The following RNF38 variants were observed in gnomAD, a reference collection of about 807,000 sequenced individuals.
RNF38 encodes the protein ring finger protein 38.
In RNF38, 15 loss-of-function variants were observed where a neutral mutation model predicts 67.2. The observed-to-expected ratio is 0.22, with a 90% CI of 0.15 to 0.34. The LOEUF (loss-of-function observed/expected upper bound fraction) is 0.34, where lower values mean the gene tolerates loss of function less well. Ranked by LOEUF, RNF38 falls within the 10% of genes least tolerant of loss-of-function variation. The pLI, the probability that RNF38 is intolerant of heterozygous loss-of-function variation, is 1.00. For synonymous variants in RNF38, 220 were observed against 218.8 expected (o/e 1.01, Z -0.05); for missense variants, 524 against 639.9 (o/e 0.82, Z 1.95).
In RNF38 at chr9:36,346,375, G is replaced by T. The variant is rs998384945; in HGVS notation, c.1264-1422C>A. On this transcript the variant is annotated intron_variant, in intron 9 of 11. Coordinates refer to ENST00000259605, the MANE Select transcript of RNF38 (RefSeq NM_022781.5). ...TTTTTGTATTTTTTATTTTTTAGTA[G>T]AGACAGGGTTTTGCCACGTTGACCA... 1.8e-4 allele frequency among the ~76,000 whole-genome samples: 27 copies of T among 152,158 alleles called. 1 individual carries two copies. The highest frequency in any genetic ancestry group is 6.2e-4 in the South Asian group (3 of 4,820).
chr9:36,457,954 C>T (rs1427646100), intron 1 of RNF38, among the ~76,000 whole-genome samples: 1 of 152,160 alleles, frequency 6.6e-6, no homozygotes, highest in Non-Finnish European at 1.5e-5. Flanking sequence ...GAGAAGAGCC[C>T]TAGCTTTTAT....
At chr9:36,458,600 A>C (rs549597363) in intron 1 of RNF38, among the ~76,000 whole-genome samples, 66 of 151,938 alleles carry the variant, frequency 4.3e-4, no homozygotes, top group Non-Finnish European at 9.6e-4. Flanking sequence ...CTCACTGCGA[A>C]GATCTGCGGC....
intron 1 of RNF38, among the ~76,000 whole-genome samples, chr9:36,446,896 G>A (rs1203911970): frequency 2.0e-5 from 3 of 150,892 alleles, no homozygotes; most frequent in South Asian, 2.1e-4. Context: ...TGAGGTGGGC[G>A]GATCACTTGA....
At chr9:36,390,757 T>G (rs1371619900) in intron 1 of RNF38, 141 bp from the exon 2 acceptor site, 3 of 909,712 alleles carry the variant, frequency 3.3e-6, no homozygotes, top group Non-Finnish European at 3.3e-6. Context: ...AAATTAATTT[T>G]AAACATCAAA....
intron 3 of RNF38, chr9:36,372,419 T>C (rs10972875): frequency 0.01 from 6,317 of 610,714 alleles, 148 homozygotes; most frequent in South Asian, 0.058. Context: ...TTCACAGTTC[T>C]TTGTTTTATT....
At chr9:36,351,032 C>T in intron 9 of RNF38, 83 bp downstream of exon 9, 1 of 962,348 alleles carries the variant, frequency 1.0e-6, no homozygotes, top group Non-Finnish European at 1.6e-6. Flanking sequence ...AAAGATTGGA[C>T]ACCTGTGGTT....
At chr9:36,386,690 A>G (rs1382152338) in intron 2 of RNF38, among the ~76,000 whole-genome samples, 1 of 152,138 alleles carries the variant, frequency 6.6e-6, no homozygotes, top group African/African-American at 2.4e-5. Context: ...GCTAAAACCC[A>G]CTAAAACCAA....
chr9:36,433,312 G>A (rs1838977067), intron 1 of RNF38, among the ~76,000 whole-genome samples: 1 of 151,818 alleles, frequency 6.6e-6, no homozygotes, highest in Non-Finnish European at 1.5e-5. Flanking sequence ...AAATGCTTGA[G>A]GTGATGGATA....
chr9:36,407,511 C>CA (rs1838211100), intron 2 of RNF38, among the ~76,000 whole-genome samples: 1 of 152,178 alleles, frequency 6.6e-6, no homozygotes, highest in East Asian at 1.9e-4. Flanking sequence ...AGCAGAAAAA[C>CA]AGAGACCTAT....
At chr9:36,426,290 T>C (rs1838769860) in intron 1 of RNF38, among the ~76,000 whole-genome samples, 1 of 152,162 alleles carries the variant, frequency 6.6e-6, no homozygotes, top group African/African-American at 2.4e-5. Context: ...ATCACAATTT[T>C]AGGACATTTT....
chr9:36,440,357 C>T (rs1006404459), intron 1 of RNF38, among the ~76,000 whole-genome samples: 27 of 152,050 alleles, frequency 1.8e-4, no homozygotes, highest in African/African-American at 6.0e-4. Flanking sequence ...AATGTCAAAA[C>T]CCAGTCTCTA....
chr9:36,446,897 G>C (rs1249894431), intron 1 of RNF38, among the ~76,000 whole-genome samples: 1 of 150,394 alleles, frequency 6.6e-6, no homozygotes, highest in East Asian at 1.9e-4. Flanking sequence ...GAGGTGGGCG[G>C]ATCACTTGAG....
intron 2 of RNF38, among the ~76,000 whole-genome samples, chr9:36,383,735 T>C (rs543842204): frequency 6.6e-6 from 1 of 152,020 alleles, no homozygotes; most frequent in African/African-American, 2.4e-5. Context: ...TTTTCAAAAG[T>C]TACCATGTTG....
At chr9:36,369,516 C>T (rs536730798) in intron 4 of RNF38, among the ~76,000 whole-genome samples, 49 of 152,110 alleles carry the variant, frequency 3.2e-4, no homozygotes, top group Admixed American at 6.6e-4. Flanking sequence ...CGTGCTGGGC[C>T]GATACTAATT....
intron 4 of RNF38, among the ~76,000 whole-genome samples, chr9:36,364,999 A>G (rs751006879): frequency 5.3e-5 from 8 of 152,220 alleles, no homozygotes; most frequent in Non-Finnish European, 1.0e-4. Flanking sequence ...GTCTCTGCAC[A>G]AAGTAACCAA....
At chr9:36,427,224 G>C (rs1268164676) in intron 1 of RNF38, among the ~76,000 whole-genome samples, 1 of 152,158 alleles carries the variant, frequency 6.6e-6, no homozygotes, top group African/African-American at 2.4e-5. Context: ...CAAAGCATGA[G>C]AGAAAAGAAA....
intron 1 of RNF38, among the ~76,000 whole-genome samples, chr9:36,441,643 T>TTATAA (rs1426761760): frequency 6.6e-6 from 1 of 152,064 alleles, no homozygotes; most frequent in African/African-American, 2.4e-5. Context: ...AAAATACTGA[T>TTATAA]TATAATATAA....
intron 2 of RNF38, among the ~76,000 whole-genome samples, chr9:36,419,668 G>A (rs1236362774): frequency 1.3e-5 from 2 of 152,182 alleles, no homozygotes; most frequent in Admixed American, 6.5e-5. Flanking sequence ...CAGTATCTAA[G>A]TGAAACATGA....
intron 2 of RNF38, 42 bp from the exon 3 acceptor site, chr9:36,376,169 A>G: frequency 5.5e-6 from 8 of 1,460,568 alleles, no homozygotes; most frequent in Non-Finnish European, 5.5e-6. Context: ...AAGATCTTTT[A>G]AAGATTTCAC....
Sources: allele counts gnomAD v4.1 joint callset (sites outside exome capture counted in the v4.1 genomes callset), GRCh38; gene constraint gnomAD v4.1.1; transcripts MANE v1.5; gene names NCBI Gene and HGNC (gene_info 2026-07-23, HGNC 2026-07-21).